Variants in TRPC6 observed in about 807,000 individuals in gnomAD.
TRPC6 encodes short transient receptor potential channel 6.
A neutral mutation model predicts 90.7 loss-of-function variants in TRPC6; 55 were observed. The ratio of observed to expected loss-of-function variants is 0.61; its 90% CI spans 0.49 to 0.76. The LOEUF (loss-of-function observed/expected upper bound fraction) is 0.76. Among genes scored for constraint, TRPC6 ranks in the 30% least tolerant of loss-of-function variants. The probability of loss-of-function intolerance (pLI) is 0.00; values close to 1 mark genes in which losing one functional copy is unlikely to be tolerated. For missense variants in TRPC6, 989 were observed against 1,122.7 expected (o/e 0.88, Z 1.70); for synonymous variants, 393 against 393.0 (o/e 1.00, Z 0.00).
intron 4 of TRPC6, among the ~76,000 whole-genome samples, chr11:101,485,185 T>C (rs974246357): frequency 1.3e-5 from 2 of 149,446 alleles, no homozygotes; most frequent in African/African-American, 4.9e-5. Context: ...GATTCTAGAA[T>C]TGCAGAGCCA....
Position 101,451,745 on chromosome 11 carries a change from A to G in TRPC6, c.*1210T>C, listed in dbSNP as rs1056659605. On this transcript the variant is annotated 3_prime_UTR_variant, in exon 13 of 13. Coordinates refer to ENST00000344327, the MANE Select transcript of TRPC6 (RefSeq NM_004621.6). ...ATTTTCTGCAACCATTTCATCTTTA[A>G]GATGAAGTTAAAGATTTGCATTTGA... 4.6e-5 allele frequency: 7 copies of G among 152,242 alleles called. No homozygotes were observed. Among genetic ancestry groups the G allele is most frequent in the African/African-American group, 1.7e-4 (7 of 41,466 alleles). The allele number at this position is 152,242 out of a possible 1,614,324, so 9.4% of individuals were successfully genotyped here.
intron 3 of TRPC6, among the ~76,000 whole-genome samples, chr11:101,490,418 T>A (rs988983313): frequency 1.3e-5 from 2 of 152,222 alleles, no homozygotes; most frequent in African/African-American, 4.8e-5. Flanking sequence ...ATTACTTTTA[T>A]TGGAAAAATC....
At chr11:101,553,929 C>T (rs1861505256) in intron 1 of TRPC6, among the ~76,000 whole-genome samples, 1 of 151,956 alleles carries the variant, frequency 6.6e-6, no homozygotes, top group African/African-American at 2.4e-5. Flanking sequence ...TACTAGATGC[C>T]GTTGTAAGTG....
intron 1 of TRPC6, among the ~76,000 whole-genome samples, chr11:101,552,484 C>G (rs545303539): frequency 2.6e-5 from 4 of 152,022 alleles, no homozygotes; most frequent in Non-Finnish European, 5.9e-5. Context: ...AATAATAAAG[C>G]TTTAGTCAAT....
At chr11:101,523,554 A>G (rs1367960757) in intron 1 of TRPC6, among the ~76,000 whole-genome samples, 1 of 152,252 alleles carries the variant, frequency 6.6e-6, no homozygotes, top group African/African-American at 2.4e-5. Flanking sequence ...AGATTACACT[A>G]AACTTTGTAG....
At chr11:101,575,533 T>C (rs1181929862) in intron 1 of TRPC6, among the ~76,000 whole-genome samples, 1 of 152,178 alleles carries the variant, frequency 6.6e-6, no homozygotes, top group African/African-American at 2.4e-5. Flanking sequence ...TCTCATAGGT[T>C]TGTGATACGG....
chr11:101,498,515 G>T (rs1309721090), intron 2 of TRPC6, among the ~76,000 whole-genome samples: 1 of 152,010 alleles, frequency 6.6e-6, no homozygotes, highest in Non-Finnish European at 1.5e-5. Flanking sequence ...AGGCCTAGAA[G>T]GTTCAAGGCA....
chr11:101,472,403 A>T (rs181186200), intron 7 of TRPC6, 71 bp from the exon 8 acceptor site: 1 of 1,463,684 alleles, frequency 6.8e-7, no homozygotes, highest in African/African-American at 1.4e-5. Flanking sequence ...CCATAATAAA[A>T]GTGAGTTTGT....
chr11:101,579,582 A>T (rs1862147681), intron 1 of TRPC6, among the ~76,000 whole-genome samples: 1 of 152,106 alleles, frequency 6.6e-6, no homozygotes, highest in South Asian at 2.1e-4. Flanking sequence ...TTTCATAATG[A>T]TTTTGTGTTT....
chr11:101,530,017 A>C (rs79968676), intron 1 of TRPC6, among the ~76,000 whole-genome samples: 2 of 152,264 alleles, frequency 1.3e-5, no homozygotes, highest in Non-Finnish European at 2.9e-5. Context: ...ATGCTCACCC[A>C]TGCCTAAAGT....
intron 1 of TRPC6, among the ~76,000 whole-genome samples, chr11:101,530,955 T>A (rs973427887): frequency 6.6e-6 from 1 of 152,088 alleles, no homozygotes; most frequent in Non-Finnish European, 1.5e-5. Context: ...GTGGGGGATA[T>A]GGGGAGGTGT....
rs779891521 is a variant in TRPC6 at position 101,473,754 on chromosome 11, G to A, written c.1764C>T (p.Pro588=). 2 of 1,613,648 alleles carry A rather than the reference G, an allele frequency of 1.2e-6. No homozygotes were observed. Among genetic ancestry groups the A allele is most frequent in the South Asian group, 2.2e-5 (2 of 91,060 alleles). ...CTTCAGATATTATTTGAGGATCAGAGGGGTCCCACTTTATCCTGGCTAGGA... is the reference window on the plus strand; with the variant it reads ...CTTCAGATATTATTTGAGGATCAGAAGGGTCCCACTTTATCCTGGCTAGGA... ...YYNLARIKWD[P]SDPQIISEGL... The change falls in exon 7 of 13, where the codon CCC becomes CCT. Residue 588 remains proline (P), a synonymous_variant. Transcript: ENST00000344327.
At chr11:101,481,993 G>GT (rs1221470888) in intron 5 of TRPC6, among the ~76,000 whole-genome samples, 1 of 152,146 alleles carries the variant, frequency 6.6e-6, no homozygotes, top group Non-Finnish European at 1.5e-5. Flanking sequence ...AAACAGGTCT[G>GT]TTTAACATTC....
At chr11:101,533,980 A>G (rs1211606627) in intron 1 of TRPC6, among the ~76,000 whole-genome samples, 6 of 152,122 alleles carry the variant, frequency 3.9e-5, no homozygotes, top group African/African-American at 1.4e-4. Flanking sequence ...GCTGTGTGCT[A>G]TATGCCTGTC....
chr11:101,472,366 A>C, intron 7 of TRPC6, 34 bp from the exon 8 acceptor site: 1 of 1,579,472 alleles, frequency 6.3e-7, no homozygotes, highest in Non-Finnish European at 8.7e-7. Context: ...AAGAAATAAG[A>C]AAGTGTATAA....
chr11:101,579,341 TA>T (rs1200943695), intron 1 of TRPC6, among the ~76,000 whole-genome samples: 1 of 152,216 alleles, frequency 6.6e-6, no homozygotes, highest in Non-Finnish European at 1.5e-5. Context: ...TATGTACTTT[TA>T]AAGATTCTTT....
intron 1 of TRPC6, among the ~76,000 whole-genome samples, chr11:101,567,208 T>C (rs1861855538): frequency 6.6e-6 from 1 of 152,118 alleles, no homozygotes; most frequent in Admixed American, 6.5e-5. Context: ...TTGCTGAGGC[T>C]TGAGGGGGCG....
At chr11:101,490,317 A>C (rs1859775529) in intron 3 of TRPC6, among the ~76,000 whole-genome samples, 1 of 152,230 alleles carries the variant, frequency 6.6e-6, no homozygotes, top group African/African-American at 2.4e-5. Context: ...TGTGTATAGA[A>C]ATATAACAAT....
chr11:101,482,727 G>T (rs796726963), intron 5 of TRPC6, among the ~76,000 whole-genome samples: 21 of 152,252 alleles, frequency 1.4e-4, no homozygotes, highest in Middle Eastern at 3.4e-3. Flanking sequence ...TTCTTCCTGG[G>T]TTTTCCTTGG....
Sources: gnomAD v4.1 joint callset for allele counts (sites outside exome capture counted in the v4.1 genomes callset) on GRCh38, gnomAD v4.1.1 for gene constraint, MANE v1.5 for transcripts, NCBI Gene and HGNC (gene_info 2026-07-23, HGNC 2026-07-21) for gene names.